The following TDP1 variants were observed in gnomAD, a reference collection of about 807,000 sequenced individuals.
TDP1 encodes the protein tyrosyl-DNA phosphodiesterase 1, also known as tyr-DNA phosphodiesterase 1.
TDP1 carries 64 observed loss-of-function variants against 81.5 expected under a neutral mutation model. That is an observed-to-expected ratio of 0.79 (90% CI 0.64 to 0.97). TDP1 has a LOEUF of 0.97. TDP1 is among the 50% of genes least tolerant of loss of function. The probability of loss-of-function intolerance (pLI) is 0.00; values close to 1 mark genes in which losing one functional copy is unlikely to be tolerated. For missense variants in TDP1, 723 were observed against 743.8 expected (o/e 0.97, Z 0.33); for synonymous variants, 256 against 264.3 (o/e 0.97, Z 0.30).
chr14:89,999,778 C>G (rs993441084), intron 14 of TDP1, among the ~76,000 whole-genome samples: 18 of 152,148 alleles, frequency 1.2e-4, no homozygotes, highest in Non-Finnish European at 2.6e-4. Context: ...AGTTTTCTTT[C>G]CACTCTTCCA....
At chr14:89,966,355 A>G (rs983372519) in intron 4 of TDP1, among the ~76,000 whole-genome samples, 165 bp downstream of exon 4, 1 of 152,232 alleles carries the variant, frequency 6.6e-6, no homozygotes, top group African/African-American at 2.4e-5. Flanking sequence ...AATGAGATCC[A>G]TGGCCATCAA....
chr14:90,007,095 T>A (rs1254072057), intron 14 of TDP1, among the ~76,000 whole-genome samples: 1 of 152,192 alleles, frequency 6.6e-6, no homozygotes, highest in Non-Finnish European at 1.5e-5. Flanking sequence ...CAGTTACCCA[T>A]AAGTTTACTC....
intron 11 of TDP1, 188 bp from the exon 12 acceptor site, chr14:89,989,529 C>A: frequency 1.3e-6 from 1 of 753,698 alleles, no homozygotes; most frequent in Non-Finnish European, 1.6e-6. Flanking sequence ...AATTTTACAT[C>A]AAATATGGTT....
intron 14 of TDP1, among the ~76,000 whole-genome samples, chr14:90,000,612 C>T (rs573875608): frequency 2.8e-4 from 42 of 151,996 alleles, no homozygotes; most frequent in Non-Finnish European, 4.7e-4. Flanking sequence ...CTTGAACTCC[C>T]GACCTCAGAT....
intron 3 of TDP1, 149 bp from the exon 4 acceptor site, chr14:89,965,998 C>G: frequency 9.8e-7 from 1 of 1,023,314 alleles, no homozygotes; most frequent in South Asian, 1.5e-5. Flanking sequence ...TTTTATGAAA[C>G]ATTAAAGTCT....
intron 13 of TDP1, chr14:89,993,061 C>A: frequency 1.1e-6 from 1 of 869,584 alleles, no homozygotes; most frequent in Non-Finnish European, 1.4e-6. Flanking sequence ...ACAGTTCAGG[C>A]AGGAGACATA....
At chr14:90,019,189 G>A in intron 14 of TDP1, 127 bp from the exon 15 acceptor site, 1 of 1,336,958 alleles carries the variant, frequency 7.5e-7, no homozygotes, top group South Asian at 1.3e-5. Flanking sequence ...CAGCAACTCT[G>A]CTAGAAAATG....
chr14:89,959,029 A>C (rs1017339702), intron 2 of TDP1, among the ~76,000 whole-genome samples: 5 of 152,240 alleles, frequency 3.3e-5, no homozygotes, highest in Admixed American at 3.3e-4. Context: ...GCATTTCTAC[A>C]ACACTACAAC....
At chr14:89,981,892 G>C (rs1012267116) in intron 8 of TDP1, among the ~76,000 whole-genome samples, 1 of 150,444 alleles carries the variant, frequency 6.6e-6, no homozygotes, top group East Asian at 1.9e-4. Flanking sequence ...TTGCCTAGTT[G>C]CCAAGTGATC....
At chr14:89,974,009 A>G (rs1893974427) in intron 6 of TDP1, among the ~76,000 whole-genome samples, 1 of 152,132 alleles carries the variant, frequency 6.6e-6, no homozygotes. Context: ...TTATGACCTC[A>G]TTTAACCTTA....
intron 15 of TDP1, among the ~76,000 whole-genome samples, chr14:90,031,098 A>T (rs1247625831): frequency 4.0e-5 from 6 of 150,996 alleles, no homozygotes; most frequent in African/African-American, 7.3e-5. Context: ...AACACAGAAC[A>T]TTTTTTTTTA....
chr14:90,010,766 A>C (rs1338184082), intron 14 of TDP1, among the ~76,000 whole-genome samples: 1 of 152,236 alleles, frequency 6.6e-6, no homozygotes, highest in Non-Finnish European at 1.5e-5. Flanking sequence ...ACTTTGTGTA[A>C]GATAATGAAT....
At position 89,963,664 on chromosome 14, in the gene TDP1, C is replaced by T; in HGVS notation, c.550C>T (p.His184Tyr). 6.2e-7 allele frequency: 1 copy of T among 1,613,932 alleles called. No homozygotes were observed. Among genetic ancestry groups the T allele is most frequent in the Admixed American group, 1.7e-5 (1 of 60,012 alleles). The stretch of plus-strand genomic sequence containing the variant: ...GCCAAAGTATAACTCTGGAGCCCTC[C>T]ACATCAAGGGTAAGAGGATGCTGGG... ...VKPKYNSGAL[H>Y]IKDILSPLFG... The change falls in exon 3 of 17, where the codon CAC (histidine) becomes TAC (tyrosine). Residue 184 changes from histidine to tyrosine, a missense_variant. Coordinates refer to ENST00000335725, the MANE Select transcript of TDP1 (RefSeq NM_018319.4).
chr14:89,993,150 T>C (rs1896361585), intron 13 of TDP1: 3 of 984,680 alleles, frequency 3.0e-6, no homozygotes, highest in Non-Finnish European at 3.6e-6. Flanking sequence ...GGAAAGGCTA[T>C]ATGCTGAAAG....
intron 11 of TDP1, 191 bp from the exon 12 acceptor site, chr14:89,989,526 C>T: frequency 1.3e-6 from 1 of 768,182 alleles, no homozygotes; most frequent in Non-Finnish European, 1.6e-6. Context: ...TATAATTTTA[C>T]ATCAAATATG....
chr14:89,968,782 A>C (rs112554560), intron 5 of TDP1, among the ~76,000 whole-genome samples: 1,665 of 152,264 alleles, frequency 0.011, 19 homozygotes, highest in Middle Eastern at 0.044. Context: ...TCACCCCATT[A>C]GAGTGTTGGC....
In TDP1 at chr14:90,020,891, G is replaced by A. The variant is rs528405960; in HGVS notation, c.1644+1473G>A. ...GCTCACTGCAACCTCCACCTCCAGG[G>A]TTCAAGTGATTTTCCTGCATCAGCC... is the stretch of plus-strand genomic sequence containing the variant. On this transcript the variant is annotated intron_variant, in intron 15 of 16. Coordinates refer to ENST00000335725, the MANE Select transcript of TDP1 (RefSeq NM_018319.4). Among the ~76,000 whole-genome samples, 34 of 150,312 alleles carry A rather than the reference G, an allele frequency of 2.3e-4. 1 individual carries two copies. In the South Asian group the frequency reaches 7.0e-3, roughly 31 times the overall value.
At chr14:90,028,641 T>C (rs1177346001) in intron 15 of TDP1, among the ~76,000 whole-genome samples, 2 of 152,242 alleles carry the variant, frequency 1.3e-5, no homozygotes, top group Non-Finnish European at 2.9e-5. Context: ...TAATGATAAT[T>C]AGAAGACAGC....
intron 16 of TDP1, among the ~76,000 whole-genome samples, chr14:90,040,358 A>G (rs1414897930): frequency 6.6e-6 from 1 of 152,232 alleles, no homozygotes; most frequent in Non-Finnish European, 1.5e-5. Flanking sequence ...AATTTGATAA[A>G]AATGCATATT....
Sources: gnomAD v4.1 joint callset for allele counts (sites outside exome capture counted in the v4.1 genomes callset) on GRCh38, gnomAD v4.1.1 for gene constraint, MANE v1.5 for transcripts, NCBI Gene and HGNC (gene_info 2026-07-23, HGNC 2026-07-21) for gene names.